DLGAP2: variants seen among roughly 807,000 people sequenced by gnomAD.
DLGAP2 encodes DLG associated protein 2.
DLGAP2 carries 26 observed loss-of-function variants against 100.3 expected under a neutral mutation model. The ratio of observed to expected loss-of-function variants is 0.26; its 90% CI spans 0.19 to 0.36. The LOEUF (loss-of-function observed/expected upper bound fraction) is 0.36, where lower values mean the gene tolerates loss of function less well. DLGAP2 is among the 10% of genes least tolerant of loss of function. The pLI is 1.00. For missense variants in DLGAP2, 1,858 were observed against 1,453.2 expected (o/e 1.28, Z -4.53); for synonymous variants, 886 against 630.1 (o/e 1.41, Z -6.08).
chr8:785,581 C>T (rs55885059), intron 1 of DLGAP2, among the ~76,000 whole-genome samples: 4 of 132,086 alleles, frequency 3.0e-5, no homozygotes, highest in Non-Finnish European at 4.9e-5. Context: ...CCCTCAGGCC[C>T]CTCTGAGACC....
intron 3 of DLGAP2, among the ~76,000 whole-genome samples, chr8:1,332,805 C>A (rs1055312716): frequency 2.6e-5 from 4 of 152,164 alleles, no homozygotes; most frequent in African/African-American, 9.7e-5. Flanking sequence ...CATTCATAAC[C>A]AAGCATCAGA....
chr8:1,095,669 T>C (rs1186032619), intron 2 of DLGAP2, among the ~76,000 whole-genome samples: 1 of 152,212 alleles, frequency 6.6e-6, no homozygotes, highest in Non-Finnish European at 1.5e-5. Flanking sequence ...TACTGTGTTA[T>C]TGTCGGCTTT....
chr8:1,573,982 A>G (rs1802862267), intron 6 of DLGAP2, among the ~76,000 whole-genome samples: 1 of 152,168 alleles, frequency 6.6e-6, no homozygotes, highest in Non-Finnish European at 1.5e-5. Context: ...TGCGTGAGAC[A>G]GGACTCCTAA....
chr8:788,297 C>G (rs1460019476), intron 1 of DLGAP2, among the ~76,000 whole-genome samples: 1 of 152,310 alleles, frequency 6.6e-6, no homozygotes, highest in East Asian at 1.9e-4. Flanking sequence ...GTGGTCTGGT[C>G]GAGATAGCAG....
rs74444477 is a variant in DLGAP2, at chr8:1,680,362, C to T, written c.2704+1733C>T. Among the ~76,000 whole-genome samples the T allele has an allele frequency of 4.6e-3, 707 of 152,348 alleles. 7 individuals carry two copies. Among genetic ancestry groups the T allele is most frequent in the African/African-American group, 0.016 (679 of 41,576 alleles). On this transcript the variant is annotated intron_variant, in intron 12 of 14. Transcript: ENST00000637795. The stretch of plus-strand genomic sequence containing the variant: ...AAGTGCAACAATGAAACTACATTGA[C>T]TATGACTTACAGAGAATAACGGCCT...
At chr8:1,181,927 A>G (rs1345213262) in intron 2 of DLGAP2, among the ~76,000 whole-genome samples, 1 of 152,180 alleles carries the variant, frequency 6.6e-6, no homozygotes, top group African/African-American at 2.4e-5. Context: ...TTGTCTGTGA[A>G]CCGTTGATAG....
At chr8:1,120,379 C>G (rs1019423748) in intron 2 of DLGAP2, among the ~76,000 whole-genome samples, 7 of 152,204 alleles carry the variant, frequency 4.6e-5, no homozygotes, top group Non-Finnish European at 8.8e-5. Context: ...TTTGTGAACA[C>G]TAACCCTAGT....
chr8:1,253,657 G>T (rs1038489234), intron 2 of DLGAP2, among the ~76,000 whole-genome samples: 1 of 152,158 alleles, frequency 6.6e-6, no homozygotes, highest in African/African-American at 2.4e-5. Context: ...GCTGCGTGTG[G>T]TGAGGGTTCA....
intron 12 of DLGAP2, among the ~76,000 whole-genome samples, chr8:1,681,075 A>G (rs1189543018): frequency 6.6e-6 from 1 of 152,178 alleles, no homozygotes; most frequent in Non-Finnish European, 1.5e-5. Flanking sequence ...AAAAATTTAC[A>G]AAGAGGTCAT....
At position 1,032,417 on chromosome 8, in the gene DLGAP2, C is replaced by T. The variant is rs189692843; in HGVS notation, c.73+124451C>T. Among the ~76,000 whole-genome samples, 579 of 152,302 alleles carry T rather than the reference C, an allele frequency of 3.8e-3. 10 individuals are homozygous for T. The highest frequency in any genetic ancestry group is 0.035 in the Admixed American group (537 of 15,306). On this transcript the variant is annotated intron_variant, in intron 2 of 14. Coordinates refer to ENST00000637795, the MANE Select transcript of DLGAP2 (RefSeq NM_001346810.2). ...GGTGGAAGCATCCATCTTGAGCCAGCGCACGATGGAGAAACGTTTGGACAC... is the reference window on the plus strand; with the variant it reads ...GGTGGAAGCATCCATCTTGAGCCAGTGCACGATGGAGAAACGTTTGGACAC...
chr8:1,088,487 TTCTC>T (rs1804051956), intron 2 of DLGAP2, among the ~76,000 whole-genome samples: 1 of 152,212 alleles, frequency 6.6e-6, no homozygotes, highest in South Asian at 2.1e-4. Flanking sequence ...ATTTTAGTCT[TTCTC>T]TGTCTGTTTT....
intron 1 of DLGAP2, among the ~76,000 whole-genome samples, chr8:823,572 G>A (rs765162525): frequency 7.2e-5 from 11 of 152,112 alleles, no homozygotes; most frequent in Non-Finnish European, 1.2e-4. Flanking sequence ...CCAGCAGCAC[G>A]GGGCTCAGCA....
At chr8:1,441,365 T>C (rs1048255834) in intron 3 of DLGAP2, among the ~76,000 whole-genome samples, 1 of 152,164 alleles carries the variant, frequency 6.6e-6, no homozygotes, top group Admixed American at 6.5e-5. Context: ...TGTTCACTGT[T>C]TCTGAGAGCG....
chr8:1,315,302 G>C (rs1205916449), intron 3 of DLGAP2, among the ~76,000 whole-genome samples: 1 of 149,740 alleles, frequency 6.7e-6, no homozygotes, highest in Non-Finnish European at 1.5e-5. Flanking sequence ...TGCGAGTGCA[G>C]CGTCTCTCCA....
At chr8:954,702 A>G (rs1245325689) in intron 2 of DLGAP2, among the ~76,000 whole-genome samples, 3 of 152,208 alleles carry the variant, frequency 2.0e-5, no homozygotes, top group Admixed American at 2.0e-4. Flanking sequence ...ATATGATACA[A>G]CCATAATAAA....
chr8:1,314,988 C>T (rs572767364), intron 3 of DLGAP2, among the ~76,000 whole-genome samples: 48 of 152,296 alleles, frequency 3.2e-4, no homozygotes, highest in African/African-American at 7.7e-4. Flanking sequence ...AGTTCTAAGC[C>T]GCCGTTGCGT....
At chr8:984,980 G>C (rs901074511) in intron 2 of DLGAP2, among the ~76,000 whole-genome samples, 4 of 152,212 alleles carry the variant, frequency 2.6e-5, no homozygotes, top group African/African-American at 7.2e-5. Context: ...TAAATGCTAA[G>C]CTTAAACAGA....
At chr8:1,024,753 C>G (rs982612502) in intron 2 of DLGAP2, among the ~76,000 whole-genome samples, 21 of 152,190 alleles carry the variant, frequency 1.4e-4, no homozygotes, top group African/African-American at 5.1e-4. Context: ...GTAGGGTCCT[C>G]TGGGTGAAAC....
chr8:1,409,871 C>T (rs764387819), intron 3 of DLGAP2, among the ~76,000 whole-genome samples: 1 of 152,190 alleles, frequency 6.6e-6, no homozygotes, highest in Non-Finnish European at 1.5e-5. Flanking sequence ...CCGGGGCCTT[C>T]GGGCTTAGAC....
Sources: gnomAD v4.1 joint callset for allele counts (sites outside exome capture counted in the v4.1 genomes callset) on GRCh38, gnomAD v4.1.1 for gene constraint, MANE v1.5 for transcripts, NCBI Gene and HGNC (gene_info 2026-07-23, HGNC 2026-07-21) for gene names.